The following PLEKHH2 variants were observed in gnomAD, a reference collection of about 807,000 sequenced individuals.
PLEKHH2 encodes pleckstrin homology domain-containing family H member 2.
Under a neutral mutation model 187.9 loss-of-function variants are expected in PLEKHH2, and 129 were observed. The ratio of observed to expected loss-of-function variants is 0.69; its 90% CI spans 0.59 to 0.79. PLEKHH2 has a LOEUF of 0.79. Ranked by LOEUF, PLEKHH2 falls within the 30% of genes least tolerant of loss-of-function variation. The pLI is 0.00. For missense variants in PLEKHH2, 2,076 were observed against 1,751.2 expected (o/e 1.19, Z -3.31); for synonymous variants, 686 against 605.6 (o/e 1.13, Z -1.95).
chr2:43,728,148 A>G (rs762709836), intron 17 of PLEKHH2, among the ~76,000 whole-genome samples: 1 of 152,198 alleles, frequency 6.6e-6, no homozygotes, highest in Non-Finnish European at 1.5e-5. Context: ...TTCTCGCCCT[A>G]GTAATGACTC....
At chr2:43,675,923 T>C in intron 2 of PLEKHH2, 7 of 1,614,078 alleles carry the variant, frequency 4.3e-6, no homozygotes, top group Non-Finnish European at 5.9e-6. Flanking sequence ...CAGTTGTAGT[T>C]GTCACCATAC....
chr2:43,685,606 C>CTTTTT (rs34341551), intron 3 of PLEKHH2, among the ~76,000 whole-genome samples: 1 of 135,686 alleles, frequency 7.4e-6, no homozygotes, highest in Admixed American at 7.6e-5. Flanking sequence ...GTTTTTTAAC[C>CTTTTT]TTTTTTTTTT....
chr2:43,752,686 C>A (rs986152117), intron 24 of PLEKHH2, among the ~76,000 whole-genome samples: 1 of 152,200 alleles, frequency 6.6e-6, no homozygotes, highest in Admixed American at 6.5e-5. Context: ...ATGTTGCTCA[C>A]CCACCCCATT....
At chr2:43,749,500 G>C (rs907510052) in intron 24 of PLEKHH2, among the ~76,000 whole-genome samples, 13 of 152,118 alleles carry the variant, frequency 8.5e-5, no homozygotes, top group African/African-American at 2.9e-4. Flanking sequence ...CACATATTTG[G>C]CTCAGAATAA....
intron 3 of PLEKHH2, among the ~76,000 whole-genome samples, chr2:43,688,835 G>C (rs1558493383): frequency 6.6e-6 from 1 of 152,170 alleles, no homozygotes; most frequent in Non-Finnish European, 1.5e-5. Flanking sequence ...ATCAATGTGT[G>C]ACAACATGTA....
intron 27 of PLEKHH2, among the ~76,000 whole-genome samples, chr2:43,759,377 TGA>T (rs1297930554): frequency 6.6e-6 from 1 of 152,246 alleles, no homozygotes; most frequent in African/African-American, 2.4e-5. Flanking sequence ...TGCTAAACAT[TGA>T]GCTAAGCTCT....
At chr2:43,692,724 G>A in intron 4 of PLEKHH2, 61 bp downstream of exon 4, 1 of 1,515,838 alleles carries the variant, frequency 6.6e-7, no homozygotes, top group Non-Finnish European at 9.0e-7. Flanking sequence ...TAATCACAAA[G>A]ATTAAAAAGA....
At chr2:43,688,852 AT>A (rs1049782673) in intron 3 of PLEKHH2, among the ~76,000 whole-genome samples, 3 of 152,192 alleles carry the variant, frequency 2.0e-5, no homozygotes, top group African/African-American at 7.2e-5. Flanking sequence ...TGTATGAAAC[AT>A]TGCCAACAAA....
At chr2:43,660,239 T>C (rs1666998658) in intron 2 of PLEKHH2, among the ~76,000 whole-genome samples, 1 of 152,314 alleles carries the variant, frequency 6.6e-6, no homozygotes, top group South Asian at 2.1e-4. Flanking sequence ...TAGAGTAGTA[T>C]TCCATTGTAC....
At chr2:43,760,336 CA>C (rs1672372801) in intron 27 of PLEKHH2, among the ~76,000 whole-genome samples, 1 of 145,804 alleles carries the variant, frequency 6.9e-6, no homozygotes, top group African/African-American at 2.5e-5. Context: ...GTAAAATACA[CA>C]TAATGAAATT....
intron 3 of PLEKHH2, chr2:43,680,994 T>C: frequency 8.2e-7 from 1 of 1,225,632 alleles, no homozygotes; most frequent in South Asian, 1.6e-5. Flanking sequence ...GTTGTTCATA[T>C]GCCAACTGGA....
chr2:43,715,066 T>G (rs1670148828), intron 15 of PLEKHH2, among the ~76,000 whole-genome samples: 1 of 151,998 alleles, frequency 6.6e-6, no homozygotes, highest in South Asian at 2.1e-4. Flanking sequence ...TCACCTGAGG[T>G]CAGAAGTTCG....
chr2:43,660,609 C>T (rs1309574520), intron 2 of PLEKHH2, among the ~76,000 whole-genome samples: 2 of 107,538 alleles, frequency 1.9e-5, no homozygotes, highest in Non-Finnish European at 3.7e-5. Context: ...CCCAATGCCA[C>T]CCCTCCCCCC....
intron 3 of PLEKHH2, among the ~76,000 whole-genome samples, chr2:43,685,737 C>T (rs866029668): frequency 2.0e-5 from 3 of 152,028 alleles, no homozygotes; most frequent in Admixed American, 6.6e-5. Context: ...CCACCACCCA[C>T]GCCTGGCCCT....
At chr2:43,697,044 A>G in intron 6 of PLEKHH2, 127 bp from the exon 7 acceptor site, 1 of 659,088 alleles carries the variant, frequency 1.5e-6, no homozygotes, top group Non-Finnish European at 2.4e-6. Flanking sequence ...TACATCAATA[A>G]AGATGAACTT....
At chr2:43,707,990 C>T (rs561655582) in intron 11 of PLEKHH2, among the ~76,000 whole-genome samples, 28 of 152,292 alleles carry the variant, frequency 1.8e-4, no homozygotes, top group Admixed American at 3.3e-4. Context: ...ATTTTGAAGA[C>T]ATTCTGTGTG....
chr2:43,700,478 G>C lies in PLEKHH2; in HGVS notation c.1520G>C (p.Cys507Ser). ...GTTTTAGAGAATATGGACACGAGTT[G>C]TGATGATGGATTATTTTCCTATGAC... ...TEVLENMDTS[C>S]DDGLFSYDSL... is the part of the protein sequence containing the mutation. Residue 507 changes from cysteine to serine, a missense_variant, in exon 8 of 30, where the codon TGT (cysteine) becomes TCT (serine). Physicochemically the swap from Cys to Ser is moderately radical, Grantham distance 112. Transcript: ENST00000282406. 1 of 1,614,082 alleles carries C rather than the reference G, an allele frequency of 6.2e-7. No individual in the cohort carries two copies. Among genetic ancestry groups the C allele is most frequent in the African/African-American group, 1.3e-5 (1 of 75,004 alleles).
At chr2:43,678,828 A>C in intron 2 of PLEKHH2, 35 bp from the exon 3 acceptor site, 1 of 1,503,552 alleles carries the variant, frequency 6.7e-7, no homozygotes, top group Non-Finnish European at 9.1e-7. Flanking sequence ...TTTCAAAAAT[A>C]AATTTTTGTA....
chr2:43,646,485 T>G (rs975760165), intron 2 of PLEKHH2, among the ~76,000 whole-genome samples: 1 of 152,200 alleles, frequency 6.6e-6, no homozygotes, highest in African/African-American at 2.4e-5. Context: ...TTTTCTTGAC[T>G]TCTGTACTCG....
Sources: gnomAD v4.1 joint callset for allele counts (sites outside exome capture counted in the v4.1 genomes callset) on GRCh38, gnomAD v4.1.1 for gene constraint, MANE v1.5 for transcripts, NCBI Gene and HGNC (gene_info 2026-07-23, HGNC 2026-07-21) for gene names.